The following LRRC37A2 variants were observed in gnomAD, a reference collection of about 807,000 sequenced individuals.
The protein encoded by LRRC37A2 is leucine-rich repeat-containing protein 37A2.
Under a neutral mutation model 68.8 loss-of-function variants are expected in LRRC37A2, and 9 were observed. The ratio of observed to expected loss-of-function variants is 0.13; its 90% confidence interval spans 0.08 to 0.23. LRRC37A2 has a LOEUF of 0.23. Ranked by LOEUF, LRRC37A2 falls within the 10% of genes least tolerant of loss-of-function variation. The pLI is 1.00. For synonymous variants in LRRC37A2, 63 were observed against 367.6 expected (o/e 0.17, Z 9.48); for missense variants, 168 against 950.4 (o/e 0.18, Z 10.82).
chr17:46,788,965 G>C, the LRRC37A2 span, among the ~76,000 whole-genome samples: 1 of 152,244 alleles, frequency 6.6e-6, no homozygotes, highest in Non-Finnish European at 1.5e-5. Context: ...CAGCCCAGTG[G>C]GGAACACACA....
chr17:46,811,122 AC>A, the LRRC37A2 span, among the ~76,000 whole-genome samples: 25 of 145,362 alleles, frequency 1.7e-4, 5 homozygotes, highest in Admixed American at 2.0e-4. Flanking sequence ...CAGGCTGCAA[AC>A]AGATAAATCG....
the LRRC37A2 span, among the ~76,000 whole-genome samples, chr17:47,048,327 T>C: frequency 6.6e-6 from 1 of 151,830 alleles, no homozygotes; most frequent in South Asian, 2.1e-4. Context: ...ACACTTGACC[T>C]TCATGCAGTC....
the LRRC37A2 span, among the ~76,000 whole-genome samples, chr17:46,903,503 C>T: frequency 6.6e-6 from 1 of 152,090 alleles, no homozygotes; most frequent in African/African-American, 2.4e-5. Flanking sequence ...CTCTGGCCTT[C>T]TTATGTGAAA....
chr17:46,920,074 C>T, the LRRC37A2 span, among the ~76,000 whole-genome samples: 1 of 152,178 alleles, frequency 6.6e-6, no homozygotes, highest in African/African-American at 2.4e-5. Flanking sequence ...CTTCTGTTTG[C>T]CTTTGCTCAA....
At chr17:46,989,290 G>A in the LRRC37A2 span, among the ~76,000 whole-genome samples, 2 of 152,278 alleles carry the variant, frequency 1.3e-5, no homozygotes, top group African/African-American at 4.8e-5. Context: ...TACCCCCTTC[G>A]AACAGATCCC....
chr17:46,760,764 G>T, the LRRC37A2 span, among the ~76,000 whole-genome samples: 1 of 151,928 alleles, frequency 6.6e-6, no homozygotes, highest in South Asian at 2.1e-4. Flanking sequence ...TTTCAGCACC[G>T]ACAGGATGCC....
the LRRC37A2 span, among the ~76,000 whole-genome samples, chr17:46,980,339 C>T: frequency 1.1e-5 from 1 of 90,432 alleles, no homozygotes; most frequent in African/African-American, 4.3e-5. Context: ...CCCTTTCCTT[C>T]TCTCCTTCCT....
chr17:46,867,367 G>C, the LRRC37A2 span, among the ~76,000 whole-genome samples: 2 of 152,232 alleles, frequency 1.3e-5, no homozygotes, highest in Admixed American at 1.3e-4. Context: ...TTGAACCCAG[G>C]CAGTCTGGCT....
chr17:46,806,030 G>A, the LRRC37A2 span, among the ~76,000 whole-genome samples: 6 of 152,066 alleles, frequency 3.9e-5, no homozygotes, highest in African/African-American at 1.2e-4. Context: ...TGGGGTTGTC[G>A]GGAGGATGAG....
the LRRC37A2 span, among the ~76,000 whole-genome samples, chr17:46,858,979 T>A: frequency 3.0e-5 from 3 of 99,462 alleles, no homozygotes; most frequent in African/African-American, 9.4e-5. Context: ...TAATTTTAGC[T>A]TTTTTTTTTT....
the LRRC37A2 span, among the ~76,000 whole-genome samples, chr17:46,823,157 TA>T: frequency 9.9e-6 from 1 of 101,180 alleles, no homozygotes; most frequent in Non-Finnish European, 1.9e-5. Context: ...TATATTTATA[TA>T]TTATATATTA....
the LRRC37A2 span, among the ~76,000 whole-genome samples, chr17:46,924,953 A>C: frequency 6.6e-6 from 1 of 152,200 alleles, no homozygotes; most frequent in Non-Finnish European, 1.5e-5. Flanking sequence ...TTTATATTCA[A>C]GAATAACTTT....
the LRRC37A2 span, among the ~76,000 whole-genome samples, chr17:46,663,048 CTT>C: frequency 2.3e-5 from 3 of 130,180 alleles, no homozygotes; most frequent in Non-Finnish European, 5.3e-5. Flanking sequence ...TTCTTGATAA[CTT>C]TTATCTTGTT....
the LRRC37A2 span, among the ~76,000 whole-genome samples, chr17:46,785,906 T>C: frequency 6.6e-6 from 1 of 152,200 alleles, no homozygotes; most frequent in Admixed American, 6.5e-5. Context: ...GCAGCTTCTG[T>C]TCTCCAAAGC....
At chr17:46,872,983 G>T in the LRRC37A2 span, among the ~76,000 whole-genome samples, 4 of 152,076 alleles carry the variant, frequency 2.6e-5, no homozygotes, top group Non-Finnish European at 5.9e-5. Flanking sequence ...AGGTTTGGGG[G>T]AGCAGAGGAG....
chr17:46,902,944 A>C, the LRRC37A2 span, among the ~76,000 whole-genome samples: 1 of 152,188 alleles, frequency 6.6e-6, no homozygotes, highest in Non-Finnish European at 1.5e-5. Flanking sequence ...AGTTGAAGGG[A>C]AGTTCTGCCT....
chr17:46,707,821 C>T, the LRRC37A2 span, among the ~76,000 whole-genome samples: 1 of 152,000 alleles, frequency 6.6e-6, no homozygotes, highest in Non-Finnish European at 1.5e-5. Flanking sequence ...CACCTGAAGT[C>T]AGGAGTTCAA....
the LRRC37A2 span, among the ~76,000 whole-genome samples, chr17:47,027,871 T>C: frequency 6.6e-6 from 1 of 152,170 alleles, no homozygotes; most frequent in South Asian, 2.1e-4. Flanking sequence ...TCTGGTAATG[T>C]CCGGAGACAG....
the LRRC37A2 span, among the ~76,000 whole-genome samples, chr17:46,488,659 C>T: frequency 1.5e-5 from 2 of 131,644 alleles, no homozygotes; most frequent in South Asian, 2.7e-4. Flanking sequence ...GAGCCAAGAT[C>T]GCACCACTGC....
Sources: allele counts gnomAD v4.1 joint callset (sites outside exome capture counted in the v4.1 genomes callset), GRCh38; gene constraint gnomAD v4.1.1; transcripts MANE v1.5; gene names NCBI Gene and HGNC (gene_info 2026-07-23, HGNC 2026-07-21).